MMAA: variants seen among roughly 807,000 people sequenced by gnomAD.
MMAA encodes the protein metabolism of cobalamin associated A.
MMAA carries 41 observed loss-of-function variants against 45.0 expected under a neutral mutation model. The ratio of observed to expected loss-of-function variants is 0.91; its 90% CI spans 0.71 to 1.18. MMAA has a LOEUF of 1.18. MMAA is among the 50% of genes most tolerant of loss of function. MMAA has a pLI of 0.00. For synonymous variants in MMAA, 154 were observed against 178.2 expected, an observed-to-expected ratio of 0.86 and a Z score of 1.08; for missense variants, 460 against 495.7, an observed-to-expected ratio of 0.93 and a Z score of 0.68.
chr4:145,656,552 T>G lies in MMAA; in HGVS notation c.*1118T>G, dbSNP rs1728237865. 1 of 151,830 alleles carries G rather than the reference T, an allele frequency of 6.6e-6. No individual in the cohort carries two copies. The highest frequency in any genetic ancestry group is 6.6e-5 in the Admixed American group (1 of 15,258). 9.4% of individuals were successfully genotyped at this position (151,830 alleles called of 1,614,324 possible). On this transcript the variant is annotated 3_prime_UTR_variant, in exon 7 of 7. Transcript: ENST00000649156. ...TACAAACCTGATGTATAATTTCAGT[T>G]TTCTCTCATGGTCTTGTTACTACCA...
chr4:145,650,967 A>T, intron 4 of MMAA, 95 bp from the exon 5 acceptor site: 1 of 1,043,260 alleles, frequency 9.6e-7, no homozygotes, highest in Non-Finnish European at 1.5e-6. Flanking sequence ...GACCATGAGT[A>T]TGAGTAAATG....
rs561905723 is a variant in MMAA at position 145,624,083 on chromosome 4, A to G, written c.-66+4676A>G. 4.5e-5 allele frequency: 41 copies of G among 910,588 alleles called. No individual in the cohort carries two copies. In the South Asian group the frequency reaches 5.2e-4, roughly 12 times the overall value. The allele number at this position is 910,588 out of a possible 1,614,324, so 56.4% of individuals were successfully genotyped here. A position where few individuals can be genotyped will look rare whatever the true frequency, so the allele number is the denominator to read the frequency against. ...ACTGGTCAGACCCAGAAACACAATG[A>G]TTTGGCAAGCCACAGTCACTCAGCT... On this transcript the variant is annotated intron_variant, in intron 1 of 6. Transcript: ENST00000649156.
Position 145,638,610 on chromosome 4 carries a change from A to G in MMAA, c.-65-465A>G, listed in dbSNP as rs1403917710. 2.0e-5 allele frequency among the ~76,000 whole-genome samples: 3 copies of G among 152,204 alleles called. No individual in the cohort carries two copies. The East Asian group carries it at 5.8e-4, about 29-fold the overall frequency. ...TGAATACAAACATGTATCTAAACTT[A>G]CACCTGAAGTGCCCACCGTAGTAAT... On this transcript the variant is annotated intron_variant, in intron 1 of 6. Coordinates refer to ENST00000649156, the MANE Select transcript of MMAA (RefSeq NM_172250.3).
rs1236531224 is a variant in MMAA at position 145,657,590 on chromosome 4, C to G, written c.*2156C>G. 1.3e-5 allele frequency: 2 copies of G among 152,126 alleles called. No homozygotes were observed. Among genetic ancestry groups the G allele is most frequent in the African/African-American group, 4.8e-5 (2 of 41,428 alleles). The allele number at this position is 152,126 out of a possible 1,614,324, so 9.4% of individuals were successfully genotyped here. A position where few individuals can be genotyped will look rare whatever the true frequency, so the allele number is the denominator to read the frequency against. On this transcript the variant is annotated 3_prime_UTR_variant, in exon 7 of 7. Coordinates refer to ENST00000649156, the MANE Select transcript of MMAA (RefSeq NM_172250.3). ...TAAAATTAAGATAATAGCTACTTTA[C>G]AGGGTTGGAAGAATTAATTTAGAAA...
chr4:145,639,817 G>T, intron 2 of MMAA: 1 of 984,526 alleles, frequency 1.0e-6, no homozygotes, highest in Non-Finnish European at 1.2e-6. Context: ...ACTTTGGCAA[G>T]AATCTTGCTC....
chr4:145,625,551 A>C (rs1406683832), intron 1 of MMAA: 1 of 755,934 alleles, frequency 1.3e-6, no homozygotes, highest in East Asian at 2.5e-5. Flanking sequence ...GTGCTCAGAA[A>C]TTTGAATTGT....
intron 1 of MMAA, chr4:145,625,330 A>G (rs1380854312): frequency 1.3e-5 from 9 of 709,832 alleles, no homozygotes; most frequent in East Asian, 8.7e-5. Context: ...AAGTCTGTCT[A>G]TTCTCCAAGG....
At chr4:145,620,853 T>TTGGCAGG (rs1254802550) in intron 1 of MMAA, among the ~76,000 whole-genome samples, 1 of 151,716 alleles carries the variant, frequency 6.6e-6, no homozygotes, top group East Asian at 1.9e-4. Flanking sequence ...GTTGGGAGAG[T>TTGGCAGG]TGGCAGGTTT....
intron 3 of MMAA, among the ~76,000 whole-genome samples, chr4:145,645,369 A>G (rs1456860485): frequency 6.6e-6 from 1 of 152,188 alleles, no homozygotes; most frequent in African/African-American, 2.4e-5. Flanking sequence ...ACTGATCTTT[A>G]TAAGGTGGAT....
At chr4:145,648,144 G>A (rs985675258) in intron 4 of MMAA, among the ~76,000 whole-genome samples, 3 of 139,956 alleles carry the variant, frequency 2.1e-5, no homozygotes, top group Non-Finnish European at 4.6e-5. Context: ...CACCGTGCCT[G>A]GCCTTTTTTT....
rs921313777 is a variant in MMAA, at chr4:145,639,160, T to C, written c.21T>C (p.His7=). 3 of 1,614,014 alleles carry C rather than the reference T, an allele frequency of 1.9e-6. No homozygotes were observed. In the African/African-American group the frequency reaches 4.0e-5, roughly 22 times the overall value. Reference sequence around the variant, plus strand: ...CGAATATGCCCATGCTGCTACCACATCCTCACCAGCATTTCCTAAAAGGCC... The same window carrying C: ...CGAATATGCCCATGCTGCTACCACACCCTCACCAGCATTTCCTAAAAGGCC... The part of the protein sequence containing the change: MPMLLP[H]PHQHFLKGLL... Residue 7 remains histidine (H), a synonymous_variant, in exon 2 of 7, where the codon CAT becomes CAC. Coordinates refer to ENST00000649156, the MANE Select transcript of MMAA (RefSeq NM_172250.3).
chr4:145,639,472 T>A lies in MMAA; in HGVS notation c.333T>A (p.Thr111=). The A allele has an allele frequency of 6.2e-7, 1 of 1,614,154 alleles. No homozygotes were observed. Among genetic ancestry groups the A allele is most frequent in the Non-Finnish European group, 8.5e-7 (1 of 1,180,030 alleles). Reference sequence around the variant, plus strand: ...AGGCCATAACTCTTGTAGAATCAACTCACAGCAGGAAAAAGGAGTTAGCCC... The same window carrying A: ...AGGCCATAACTCTTGTAGAATCAACACACAGCAGGAAAAAGGAGTTAGCCC... ...LAEAITLVES[T]HSRKKELAQV... Residue 111 remains threonine, a synonymous_variant, in exon 2 of 7, where the codon ACT becomes ACA. Transcript: ENST00000649156.
At chr4:145,652,121 C>T (rs953589043) in intron 5 of MMAA, among the ~76,000 whole-genome samples, 1 of 152,190 alleles carries the variant, frequency 6.6e-6, no homozygotes, top group South Asian at 2.1e-4. Context: ...TCAGGACCAT[C>T]CAAATGAAGA....
chr4:145,649,408 A>G (rs375393371), intron 4 of MMAA, among the ~76,000 whole-genome samples: 26 of 152,266 alleles, frequency 1.7e-4, no homozygotes, highest in African/African-American at 6.3e-4. Flanking sequence ...CATTCTTAGC[A>G]CTCAGTTTCC....
Position 145,655,549 on chromosome 4 carries a change from G to C in MMAA, c.*115G>C, listed in dbSNP as rs907557539. Reference sequence around the variant, plus strand: ...ATTGTATGGTGCTCTTGTCTTCTTTGTTTGTGACCCATGCTTGAAAACTTG... The same window carrying C: ...ATTGTATGGTGCTCTTGTCTTCTTTCTTTGTGACCCATGCTTGAAAACTTG... On this transcript the variant is annotated 3_prime_UTR_variant, in exon 7 of 7. Transcript: ENST00000649156. 17 of 1,044,672 alleles carry C rather than the reference G, an allele frequency of 1.6e-5. No homozygotes were observed. The highest frequency in any genetic ancestry group is 2.6e-5 in the East Asian group (1 of 37,840). The allele number at this position is 1,044,672 out of a possible 1,614,324, so 64.7% of individuals were successfully genotyped here.
intron 1 of MMAA, among the ~76,000 whole-genome samples, chr4:145,633,306 CT>C (rs200651361): frequency 0.016 from 2,173 of 138,348 alleles, 64 homozygotes; most frequent in African/African-American, 0.057. Context: ...TCAAGTGATT[CT>C]TTTGTATCAG....
At chr4:145,652,589 G>A (rs1728124435) in intron 5 of MMAA, among the ~76,000 whole-genome samples, 1 of 152,134 alleles carries the variant, frequency 6.6e-6, no homozygotes, top group African/African-American at 2.4e-5. Context: ...AATTAGCCGG[G>A]CATGGTGGCA....
chr4:145,651,807 GTT>G, intron 5 of MMAA, among the ~76,000 whole-genome samples: 1 of 152,314 alleles, frequency 6.6e-6, no homozygotes, highest in African/African-American at 2.4e-5. Context: ...AGGGGGGATG[GTT>G]TCAGGATGAA....
chr4:145,636,687 G>A (rs190672614), intron 1 of MMAA, among the ~76,000 whole-genome samples: 112 of 152,268 alleles, frequency 7.4e-4, no homozygotes, highest in Non-Finnish European at 8.5e-4. Flanking sequence ...TTTCAGACTC[G>A]GTCTTGACTT....
Sources: allele counts gnomAD v4.1 joint callset (sites outside exome capture counted in the v4.1 genomes callset), GRCh38; gene constraint gnomAD v4.1.1; transcripts MANE v1.5; gene names NCBI Gene and HGNC (gene_info 2026-07-23, HGNC 2026-07-21).